The following HUNK variants were observed in gnomAD, a reference collection of about 807,000 sequenced individuals.
HUNK encodes hormonally up-regulated Neu-associated kinase, also known as hormonally up-regulated neu tumor-associated kinase.
In HUNK, 21 loss-of-function variants were observed where a neutral mutation model predicts 61.0. The observed-to-expected ratio is 0.34, with a 90% CI of 0.24 to 0.50. The LOEUF (loss-of-function observed/expected upper bound fraction) is 0.50. Among genes scored for constraint, HUNK ranks in the 20% least tolerant of loss-of-function variants. The pLI, the probability that HUNK is intolerant of heterozygous loss-of-function variation, is 0.98. For synonymous variants in HUNK, 371 were observed against 386.1 expected, an observed-to-expected ratio of 0.96 and a Z score of 0.46; for missense variants, 772 against 945.7, an observed-to-expected ratio of 0.82 and a Z score of 2.41.
chr21:31,915,123 C>T lies in HUNK; in HGVS notation c.262-9345C>T, dbSNP rs2052573679. Among the ~76,000 whole-genome samples the T allele has an allele frequency of 1.3e-5, 2 of 151,494 alleles. 1 individual carries two copies. The highest frequency in any genetic ancestry group is 4.2e-4 in the South Asian group (2 of 4,804). On this transcript the variant is annotated intron_variant, in intron 1 of 10. Coordinates refer to ENST00000270112, the MANE Select transcript of HUNK (RefSeq NM_014586.2). ...CCCTTCATTCCAAATACTCCAGTGA[C>T]CATTTTCTACAGGTGTCGTGTTGAT...
intron 1 of HUNK, among the ~76,000 whole-genome samples, chr21:31,903,906 CTTTT>C (rs1391391545): frequency 6.6e-6 from 1 of 152,144 alleles, no homozygotes; most frequent in Non-Finnish European, 1.5e-5. Context: ...TTAGTTTCTT[CTTTT>C]TGTTTTCTGA....
intron 5 of HUNK, among the ~76,000 whole-genome samples, chr21:31,961,858 T>G (rs1023822262): frequency 1.4e-4 from 15 of 110,882 alleles, no homozygotes; most frequent in Middle Eastern, 9.3e-3. Context: ...GCTGGAGAAC[T>G]GCTGATCTGC....
chr21:31,880,385 A>C (rs933444223), intron 1 of HUNK, among the ~76,000 whole-genome samples: 1 of 152,156 alleles, frequency 6.6e-6, no homozygotes, highest in African/African-American at 2.4e-5. Flanking sequence ...GGAGGCTAGG[A>C]TCCAAAACCA....
intron 7 of HUNK, among the ~76,000 whole-genome samples, chr21:31,979,572 C>CTGGAGTGCAG (rs2053078829): frequency 8.1e-6 from 1 of 122,868 alleles, no homozygotes; most frequent in East Asian, 2.7e-4. Flanking sequence ...GTCACCCAGG[C>CTGGAGTGCAG]TGGCGTGATC....
At chr21:31,949,591 A>ACG (rs1344529301) in intron 4 of HUNK, among the ~76,000 whole-genome samples, 2 of 152,152 alleles carry the variant, frequency 1.3e-5, no homozygotes, top group African/African-American at 4.8e-5. Context: ...ACACACACAC[A>ACG]CACGCACACA....
intron 4 of HUNK, among the ~76,000 whole-genome samples, chr21:31,955,246 A>G (rs1239260520): frequency 3.5e-5 from 5 of 143,992 alleles, no homozygotes; most frequent in African/African-American, 1.3e-4. Flanking sequence ...TTAGGCTATG[A>G]CAATAAAAGT....
intron 5 of HUNK, among the ~76,000 whole-genome samples, chr21:31,960,450 A>C (rs113286957): frequency 0.018 from 2,708 of 152,138 alleles, 76 homozygotes; most frequent in African/African-American, 0.062. Context: ...AGATGCACAC[A>C]CAATTGCTAG....
At chr21:31,982,493 T>C (rs2053104654) in intron 7 of HUNK, among the ~76,000 whole-genome samples, 3 of 152,248 alleles carry the variant, frequency 2.0e-5, no homozygotes, top group Non-Finnish European at 2.9e-5. Flanking sequence ...AGTAAAATGT[T>C]ATCTCTTAAT....
At position 31,915,054 on chromosome 21, in the gene HUNK, ATTT is replaced by A. The variant is rs5843533; in HGVS notation, c.262-9399_262-9397del. 5.5e-3 allele frequency among the ~76,000 whole-genome samples: 810 copies of A among 146,596 alleles called. 5 individuals are homozygous for A. Among genetic ancestry groups the A allele is most frequent in the East Asian group, 0.019 (96 of 5,020 alleles). ...GGACCAGAAGTGTTTTAGATTTGGG[ATTT>A]TTTTTTTTTTTTTTATATTTGCTTA... On this transcript the variant is annotated intron_variant, in intron 1 of 10. Coordinates refer to ENST00000270112, the MANE Select transcript of HUNK (RefSeq NM_014586.2).
chr21:31,963,495 TA>T (rs1054814931), intron 5 of HUNK, among the ~76,000 whole-genome samples: 2 of 152,210 alleles, frequency 1.3e-5, no homozygotes, highest in African/African-American at 4.8e-5. Flanking sequence ...CTGTCATTCA[TA>T]TTTGTTTTTG....
intron 1 of HUNK, among the ~76,000 whole-genome samples, chr21:31,894,882 C>T (rs1025195630): frequency 6.6e-6 from 1 of 152,108 alleles, no homozygotes. Flanking sequence ...CCAAATGCAC[C>T]GCGAACAGGC....
intron 7 of HUNK, among the ~76,000 whole-genome samples, chr21:31,979,732 G>C (rs969143139): frequency 1.3e-5 from 2 of 151,354 alleles, no homozygotes; most frequent in East Asian, 3.9e-4. Context: ...AGCCAGGATG[G>C]TCTCAATCTC....
intron 6 of HUNK, 27 bp downstream of exon 6, chr21:31,968,412 C>T (rs1568937241): frequency 6.2e-7 from 1 of 1,613,716 alleles, no homozygotes; most frequent in Admixed American, 1.7e-5. Context: ...AGAGGAACTC[C>T]TCGGGAGAGA....
At chr21:31,893,751 A>G (rs1445245041) in intron 1 of HUNK, among the ~76,000 whole-genome samples, 1 of 152,224 alleles carries the variant, frequency 6.6e-6, no homozygotes, top group Non-Finnish European at 1.5e-5. Flanking sequence ...TTGTGGGACA[A>G]TTAATTCTCC....
chr21:31,892,159 AAAAAT>A (rs1197235068), intron 1 of HUNK, among the ~76,000 whole-genome samples: 107 of 102,682 alleles, frequency 1.0e-3, no homozygotes, highest in Middle Eastern at 5.8e-3. Flanking sequence ...AAAAAAAAAA[AAAAAT>A]ATATATATAT....
intron 1 of HUNK, among the ~76,000 whole-genome samples, chr21:31,906,558 T>C (rs1293714902): frequency 1.3e-5 from 2 of 152,068 alleles, no homozygotes; most frequent in African/African-American, 4.8e-5. Context: ...GCCTCCCAAG[T>C]AGCTGGGACC....
intron 4 of HUNK, among the ~76,000 whole-genome samples, chr21:31,949,420 AC>A (rs1326328214): frequency 6.6e-6 from 1 of 152,190 alleles, no homozygotes; most frequent in Non-Finnish European, 1.5e-5. Context: ...ATTTCTTCCA[AC>A]CCTTAAGAAC....
At chr21:31,918,548 C>T (rs1269605637) in intron 1 of HUNK, among the ~76,000 whole-genome samples, 1 of 152,206 alleles carries the variant, frequency 6.6e-6, no homozygotes, top group Non-Finnish European at 1.5e-5. Context: ...AGTAGGGCCA[C>T]GCTTCCTCCA....
rs1311784461 is a variant in HUNK at position 31,924,205 on chromosome 21, G to C, written c.262-263G>C. Among the ~76,000 whole-genome samples the C allele has an allele frequency of 6.6e-6, 1 of 151,868 alleles. No individual in the cohort carries two copies. ...CAGACAGCCATTCAGGTTTTCTTAG[G>C]TAAATTCCATTGTCTTCCTTAATAA... On this transcript the variant is annotated intron_variant, in intron 1 of 10. Transcript: ENST00000270112. The surrounding 1 kb of genome is among the most constrained non-coding windows in gnomAD (Gnocchi z 5.1).
Sources: allele counts gnomAD v4.1 joint callset (sites outside exome capture counted in the v4.1 genomes callset), GRCh38; gene constraint gnomAD v4.1.1; non-coding constraint Gnocchi (gnomAD v3.1); transcripts MANE v1.5; gene names NCBI Gene and HGNC (gene_info 2026-07-23, HGNC 2026-07-21).